The following CX3CL1 variants were observed in gnomAD, a reference collection of about 807,000 sequenced individuals.
CX3CL1 encodes C-X3-C motif chemokine ligand 1, also known as fractalkine.
In CX3CL1, 1 loss-of-function variant was observed where a neutral mutation model predicts 14.1. The observed-to-expected ratio is 0.07, with a 90% CI of 0.03 to 0.34. CX3CL1 has a LOEUF of 0.34. Among genes scored for constraint, CX3CL1 ranks in the 10% least tolerant of loss-of-function variants. CX3CL1 has a pLI of 0.99. For missense variants in CX3CL1, 505 were observed against 536.4 expected (o/e 0.94, Z 0.58); for synonymous variants, 255 against 229.6 (o/e 1.11, Z -1.00).
chr16:57,376,139 G>C (rs562724260), intron 1 of CX3CL1, among the ~76,000 whole-genome samples: 4 of 152,232 alleles, frequency 2.6e-5, no homozygotes, highest in South Asian at 2.1e-4. Context: ...TAAAACCTCT[G>C]ATACTTTGTG....
At chr16:57,373,874 GGAGGGTGAC>G (rs1451078746) in intron 1 of CX3CL1, among the ~76,000 whole-genome samples, 1 of 152,126 alleles carries the variant, frequency 6.6e-6, no homozygotes, top group Non-Finnish European at 1.5e-5. Flanking sequence ...GTGGATTGGG[GGAGGGTGAC>G]GAGGTTCCAA....
At position 57,382,739 on chromosome 16, in the gene CX3CL1, C is replaced by T. The variant is rs1010171372; in HGVS notation, c.901C>T (p.Pro301Ser). The change falls in exon 3 of 3, where the codon CCA (proline) becomes TCA (serine). Residue 301 changes from proline to serine, a missense_variant. Pro to Ser is a moderately conservative substitution (Grantham distance 74, BLOSUM62 -1). Coordinates refer to ENST00000006053, the MANE Select transcript of CX3CL1 (RefSeq NM_002996.6). This position sits in a 1 kb window ranked among gnomAD's most constrained non-coding sequence, Gnocchi z 6.9. ...VSSEGTPSRE[P>S]VASGSWTPKA... Reference sequence around the variant, plus strand: ...CTCAGAAGGGACCCCCAGCAGGGAGCCAGTGGCTTCAGGCAGCTGGACCCC... The same window carrying T: ...CTCAGAAGGGACCCCCAGCAGGGAGTCAGTGGCTTCAGGCAGCTGGACCCC... 2 of 1,612,476 alleles carry T rather than the reference C, an allele frequency of 1.2e-6. No individual in the cohort carries two copies. The highest frequency in any genetic ancestry group is 1.7e-4 in the Middle Eastern group (1 of 6,060).
chr16:57,375,518 G>A (rs544427879), intron 1 of CX3CL1, among the ~76,000 whole-genome samples: 1 of 152,216 alleles, frequency 6.6e-6, no homozygotes, highest in Non-Finnish European at 1.5e-5. Context: ...TGTCACTGTT[G>A]AGAAACCTTG....
intron 1 of CX3CL1, among the ~76,000 whole-genome samples, chr16:57,375,187 G>T (rs1307763598): frequency 6.6e-6 from 1 of 151,784 alleles, no homozygotes; most frequent in Non-Finnish European, 1.5e-5. Context: ...AATAGAGAGG[G>T]GAGAAGAGAG....
intron 2 of CX3CL1, 104 bp from the exon 3 acceptor site, chr16:57,381,926 C>G (rs1008595185): frequency 9.4e-6 from 12 of 1,278,932 alleles, no homozygotes; most frequent in Non-Finnish European, 2.1e-6. Context: ...GGTTTCCAGC[C>G]GGGTGTGTTC....
At position 57,376,266 on chromosome 16, in the gene CX3CL1, G is replaced by C. The variant is rs373959741; in HGVS notation, c.71-3368G>C. Among the ~76,000 whole-genome samples the C allele has an allele frequency of 2.6e-5, 4 of 152,354 alleles. No individual in the cohort carries two copies. The East Asian group carries it at 7.7e-4, about 29-fold the overall frequency. On this transcript the variant is annotated intron_variant, in intron 1 of 2. Coordinates refer to ENST00000006053, the MANE Select transcript of CX3CL1 (RefSeq NM_002996.6). ...GGCCTGGCAAGAGGAACCAGCATTT[G>C]TTGGTTGACTGAATAAACAGAGTGA...
chr16:57,381,742 A>G (rs1402260770), intron 2 of CX3CL1, among the ~76,000 whole-genome samples: 1 of 152,118 alleles, frequency 6.6e-6, no homozygotes, highest in African/African-American at 2.4e-5. Context: ...CAGTTTTAAA[A>G]TGGAAAGTCC....
Position 57,382,345 on chromosome 16 carries a change from C to T in CX3CL1, c.507C>T (p.Leu169=), listed in dbSNP as rs1354574650. The T allele has an allele frequency of 1.2e-6, 2 of 1,608,482 alleles. No homozygotes were observed. The highest frequency in any genetic ancestry group is 1.1e-5 in the South Asian group (1 of 90,796). The change falls in exon 3 of 3, where the codon CTC becomes CTT. Residue 169 remains leucine (L), a synonymous_variant. Coordinates refer to ENST00000006053, the MANE Select transcript of CX3CL1 (RefSeq NM_002996.6). The surrounding 1 kb of genome is among the most constrained non-coding windows in gnomAD (Gnocchi z 6.9). The part of the protein sequence containing the change: ...TGVTGSSGTR[L]PPTPKAQDGG... ...TGACTGGTTCCTCAGGGACCAGGCT[C>T]CCCCCGACGCCAAAGGCTCAGGATG... is the stretch of plus-strand genomic sequence containing the variant.
rs765064302 is a variant in CX3CL1 at position 57,384,332 on chromosome 16, CCT to C, written c.*1301_*1302del. ...TTTCCATGATGTTTTCCATGAGTCC[CCT>C]GTTTGTTTCTGAAAGGGACGCTACC... is the stretch of plus-strand genomic sequence containing the variant. On this transcript the variant is annotated 3_prime_UTR_variant, in exon 3 of 3. Transcript: ENST00000006053. 1 of 152,298 alleles carries C rather than the reference CCT, an allele frequency of 6.6e-6. No individual in the cohort carries two copies. Among genetic ancestry groups the C allele is most frequent in the Non-Finnish European group, 1.5e-5 (1 of 68,130 alleles). The allele number at this position is 152,298 out of a possible 1,614,324, so 9.4% of individuals were successfully genotyped here. A position where few individuals can be genotyped will look rare whatever the true frequency, so the allele number is the denominator to read the frequency against.
Position 57,379,600 on chromosome 16 carries a change from C to T in CX3CL1, c.71-34C>T, listed in dbSNP as rs970882591. 4.3e-6 allele frequency: 7 copies of T among 1,613,738 alleles called. No individual in the cohort carries two copies. In the African/African-American group the frequency reaches 5.3e-5, roughly 12 times the overall value. On this transcript the variant is annotated intron_variant, in intron 1 of 2. Transcript: ENST00000006053. ...GGTTGGGAAGCCAGATGCCCACAGA[C>T]ATCCCTGCTGACCAGGAACCTCTTT... is the stretch of plus-strand genomic sequence containing the variant.
intron 2 of CX3CL1, among the ~76,000 whole-genome samples, chr16:57,380,935 G>C (rs755074132): frequency 4.6e-5 from 7 of 152,166 alleles, no homozygotes; most frequent in African/African-American, 7.2e-5. Context: ...TTTCTAAGGT[G>C]GGCAAGGTAC....
chr16:57,379,538 T>C, intron 1 of CX3CL1, 96 bp from the exon 2 acceptor site: 2 of 1,522,210 alleles, frequency 1.3e-6, no homozygotes, highest in East Asian at 2.3e-5. Flanking sequence ...GGGATCAGTT[T>C]TGGCTTGGGT....
In CX3CL1 at chr16:57,382,605, C is replaced by T; in HGVS notation, c.767C>T (p.Pro256Leu). ...RVWGQGQSPR[P>L]ENSLEREEMG... ...TGGGGTCAGGGACAGAGCCCCAGGC[C>T]AGAGAACTCTCTGGAGCGGGAGGAG... Residue 256 changes from proline (P) to leucine (L), a missense_variant, in exon 3 of 3, where the codon CCA (proline) becomes CTA (leucine). Physicochemically the swap from Pro to Leu is moderately conservative, Grantham distance 98. Coordinates refer to ENST00000006053, the MANE Select transcript of CX3CL1 (RefSeq NM_002996.6). The surrounding 1 kb of genome is among the most constrained non-coding windows in gnomAD (Gnocchi z 6.9). 3 of 1,613,970 alleles carry T rather than the reference C, an allele frequency of 1.9e-6. No individual in the cohort carries two copies. Among genetic ancestry groups the T allele is most frequent in the South Asian group, 2.2e-5 (2 of 91,074 alleles).
At position 57,381,926 on chromosome 16, in the gene CX3CL1, C is replaced by T. The variant is rs1008595185; in HGVS notation, c.192-104C>T. On this transcript the variant is annotated intron_variant, in intron 2 of 2. Transcript: ENST00000006053. ...TAAGTGGGAGGACAGGGTTTCCAGC[C>T]GGGTGTGTTCACCTGCAGAGTATTG... The T allele has an allele frequency of 2.0e-5, 25 of 1,278,932 alleles. No homozygotes were observed. In the Admixed American group the frequency reaches 2.3e-4, roughly 12 times the overall value. 79.2% of individuals were successfully genotyped at this position (1,278,932 alleles called of 1,614,324 possible).
intron 1 of CX3CL1, among the ~76,000 whole-genome samples, chr16:57,375,814 T>C (rs1180153232): frequency 2.0e-5 from 3 of 152,166 alleles, no homozygotes; most frequent in Non-Finnish European, 4.4e-5. Flanking sequence ...CCCCTGACCA[T>C]TTGAAGTTGG....
In CX3CL1 at chr16:57,382,303, A is replaced by G; in HGVS notation, c.465A>G (p.Pro155=). The G allele has an allele frequency of 6.2e-7, 1 of 1,606,276 alleles. No homozygotes were observed. Among genetic ancestry groups the G allele is most frequent in the Non-Finnish European group, 8.5e-7 (1 of 1,176,110 alleles). Residue 155 remains proline (P), a synonymous_variant, in exon 3 of 3, where the codon CCA becomes CCG. Transcript: ENST00000006053. The surrounding 1 kb of genome is among the most constrained non-coding windows in gnomAD (Gnocchi z 6.9). ...QEAQRALGTS[P]ELPTGVTGSS... is the part of the protein sequence containing the mutation. Reference sequence around the variant, plus strand: ...CACAGAGGGCCCTGGGGACCTCCCCAGAGCTGCCGACGGGCGTGACTGGTT... The same window carrying G: ...CACAGAGGGCCCTGGGGACCTCCCCGGAGCTGCCGACGGGCGTGACTGGTT...
chr16:57,382,975 C>T lies in CX3CL1; in HGVS notation c.1137C>T (p.Gly379=). 1 of 1,506,832 alleles carries T rather than the reference C, an allele frequency of 6.6e-7. No individual in the cohort carries two copies. Among genetic ancestry groups the T allele is most frequent in the Non-Finnish European group, 8.9e-7 (1 of 1,125,772 alleles). 93.3% of individuals were successfully genotyped at this position (1,506,832 alleles called of 1,614,324 possible). The change falls in exon 3 of 3, where the codon GGC becomes GGT. Residue 379 remains glycine, a synonymous_variant. Coordinates refer to ENST00000006053, the MANE Select transcript of CX3CL1 (RefSeq NM_002996.6). The surrounding 1 kb of genome is among the most constrained non-coding windows in gnomAD (Gnocchi z 6.9). ...PRKMAGEMAE[G]LRYIPRSCGS... Reference sequence around the variant, plus strand: ...AGATGGCAGGAGAGATGGCGGAGGGCCTTCGCTACATCCCCCGGAGCTGTG... The same window carrying T: ...AGATGGCAGGAGAGATGGCGGAGGGTCTTCGCTACATCCCCCGGAGCTGTG...
At chr16:57,376,597 G>A (rs188727545) in intron 1 of CX3CL1, among the ~76,000 whole-genome samples, 143 of 151,752 alleles carry the variant, frequency 9.4e-4, no homozygotes, top group Admixed American at 1.3e-3. Context: ...GGATGAGTAG[G>A]TGAGATAAAA....
chr16:57,382,433 A>C lies in CX3CL1; in HGVS notation c.595A>C (p.Ser199Arg), dbSNP rs368270552. The stretch of plus-strand genomic sequence containing the variant: ...CGTCTCCACTGCCGCCACGTGGCAG[A>C]GTTCTGCTCCCCACCAACCTGGGCC... ...PPVSTAATWQ[S>R]SAPHQPGPSL... The change falls in exon 3 of 3, where the codon AGT becomes CGT. Residue 199 changes from serine (S) to arginine (R), a missense_variant. Transcript: ENST00000006053. This position sits in a 1 kb window ranked among gnomAD's most constrained non-coding sequence, Gnocchi z 6.9. The C allele has an allele frequency of 8.1e-6, 13 of 1,612,820 alleles. No homozygotes were observed. The highest frequency in any genetic ancestry group is 1.0e-5 in the Non-Finnish European group (12 of 1,179,984).
Sources: gnomAD v4.1 joint callset for allele counts (sites outside exome capture counted in the v4.1 genomes callset) on GRCh38, gnomAD v4.1.1 for gene constraint, Gnocchi (gnomAD v3.1) non-coding constraint, MANE v1.5 for transcripts, NCBI Gene and HGNC (gene_info 2026-07-23, HGNC 2026-07-21) for gene names.